The following MMS22L variants were observed in gnomAD, a reference collection of about 807,000 sequenced individuals.
MMS22L encodes the protein MMS22 like, DNA repair protein.
In MMS22L, 74 loss-of-function variants were observed where a neutral mutation model predicts 159.1. The observed-to-expected ratio is 0.47, with a 90% CI of 0.39 to 0.56. The LOEUF is 0.56. MMS22L is among the 20% of genes least tolerant of loss of function. The pLI is 0.00. For missense variants in MMS22L, 1,351 were observed against 1,422.1 expected, an observed-to-expected ratio of 0.95 and a Z score of 0.80; for synonymous variants, 517 against 506.9, an observed-to-expected ratio of 1.02 and a Z score of -0.27.
intron 12 of MMS22L, among the ~76,000 whole-genome samples, chr6:97,233,610 ATC>A (rs1316297610): frequency 6.6e-6 from 1 of 152,190 alleles, no homozygotes; most frequent in African/African-American, 2.4e-5. Context: ...TTTTATAAAT[ATC>A]TGATACATTT....
chr6:97,236,937 C>A (rs578204238), intron 11 of MMS22L, among the ~76,000 whole-genome samples: 1 of 143,230 alleles, frequency 7.0e-6, no homozygotes, highest in South Asian at 2.2e-4. Flanking sequence ...GGTGACAGAG[C>A]GAGACTCCGC....
intron 14 of MMS22L, among the ~76,000 whole-genome samples, chr6:97,226,675 T>C (rs191412525): frequency 1.1e-4 from 16 of 151,958 alleles, no homozygotes; most frequent in African/African-American, 3.6e-4. Context: ...CATATATGTA[T>C]ATATATAAAA....
At chr6:97,273,166 AT>A in intron 4 of MMS22L, 104 bp from the exon 5 acceptor site, 1 of 866,258 alleles carries the variant, frequency 1.2e-6, no homozygotes, top group Non-Finnish European at 1.8e-6. Context: ...ATCTTGTAAC[AT>A]TTTATATTAA....
chr6:97,164,377 T>A (rs1246572868), intron 21 of MMS22L, among the ~76,000 whole-genome samples: 2 of 150,906 alleles, frequency 1.3e-5, no homozygotes, highest in African/African-American at 4.9e-5. Flanking sequence ...CATCTTAAAG[T>A]TTAAAAGCTA....
intron 9 of MMS22L, among the ~76,000 whole-genome samples, chr6:97,255,457 C>T (rs1813697471): frequency 6.6e-6 from 1 of 151,964 alleles, no homozygotes; most frequent in Middle Eastern, 3.2e-3. Flanking sequence ...TCATTTTATC[C>T]TTTTCATTGT....
intron 9 of MMS22L, among the ~76,000 whole-genome samples, chr6:97,256,617 T>C (rs1813837443): frequency 6.6e-6 from 1 of 152,186 alleles, no homozygotes; most frequent in African/African-American, 2.4e-5. Context: ...TGGCCTCCAT[T>C]GTTGTTGAAA....
intron 22 of MMS22L, among the ~76,000 whole-genome samples, chr6:97,161,086 T>A (rs1802387518): frequency 6.6e-6 from 1 of 152,072 alleles, no homozygotes; most frequent in Non-Finnish European, 1.5e-5. Flanking sequence ...TGGCCTGCTT[T>A]TATTCTCAGT....
intron 12 of MMS22L, among the ~76,000 whole-genome samples, chr6:97,232,718 A>G (rs1810997217): frequency 6.6e-6 from 1 of 152,024 alleles, no homozygotes; most frequent in African/African-American, 2.4e-5. Context: ...TCATTTCTCC[A>G]ACTAGCCTAA....
At position 97,178,589 on chromosome 6, in the gene MMS22L, T is replaced by A. The variant is rs1033943019; in HGVS notation, c.2537-4A>T. The A allele has an allele frequency of 1.3e-5, 19 of 1,456,710 alleles. No individual in the cohort carries two copies. Among genetic ancestry groups the A allele is most frequent in the Non-Finnish European group, 1.7e-5 (18 of 1,064,282 alleles). The allele number at this position is 1,456,710 out of a possible 1,614,324, so 90.2% of individuals were successfully genotyped here. A position where few individuals can be genotyped will look rare whatever the true frequency, so the allele number is the denominator to read the frequency against. On this transcript the variant is annotated splice_polypyrimidine_tract_variant and splice_region_variant and intron_variant, in intron 17 of 24. Transcript: ENST00000683635. ...AACTGTTTCATGTACTCTTTTTCTG[T>A]TAAAATAAAATAGTATTTGTTATAT...
chr6:97,281,369 T>G lies in MMS22L; in HGVS notation c.165-7A>C. On this transcript the variant is annotated splice_polypyrimidine_tract_variant and splice_region_variant and intron_variant, in intron 2 of 24. Transcript: ENST00000683635. ...GTCAAGATTCAAAATCAATCTGAAA[T>G]GAAAATTGTTTCAATCTCATAAAAA... is the stretch of plus-strand genomic sequence containing the variant. 1 of 1,587,272 alleles carries G rather than the reference T, an allele frequency of 6.3e-7. No individual in the cohort carries two copies. The highest frequency in any genetic ancestry group is 1.4e-5 in the African/African-American group (1 of 74,068).
In MMS22L at chr6:97,142,583, C is replaced by T. The variant is rs932733349; in HGVS notation, c.*4223G>A. On this transcript the variant is annotated 3_prime_UTR_variant, in exon 25 of 25. Coordinates refer to ENST00000683635, the MANE Select transcript of MMS22L (RefSeq NM_001350599.2). ...TATATAAAAAGTCTGGATAAAAAAG[C>T]AGTGGTTTAGTACAGATGATTCAAC... 3 of 152,000 alleles carry T rather than the reference C, an allele frequency of 2.0e-5. No individual in the cohort carries two copies. Among genetic ancestry groups the T allele is most frequent in the African/African-American group, 7.2e-5 (3 of 41,410 alleles). 9.4% of individuals were successfully genotyped at this position (152,000 alleles called of 1,614,324 possible). A position where few individuals can be genotyped will look rare whatever the true frequency, so the allele number is the denominator to read the frequency against.
At chr6:97,227,793 G>A (rs1047193665) in intron 14 of MMS22L, among the ~76,000 whole-genome samples, 2 of 152,180 alleles carry the variant, frequency 1.3e-5, no homozygotes, top group Non-Finnish European at 2.9e-5. Context: ...ACCATACTGA[G>A]TGGTAGTATT....
At chr6:97,154,963 T>A (rs373666537) in intron 22 of MMS22L, among the ~76,000 whole-genome samples, 3 of 152,204 alleles carry the variant, frequency 2.0e-5, no homozygotes, top group African/African-American at 7.2e-5. Flanking sequence ...CCATATAAAT[T>A]AGTAATTCAT....
intron 14 of MMS22L, among the ~76,000 whole-genome samples, chr6:97,194,272 G>A (rs1056049115): frequency 1.3e-5 from 2 of 151,532 alleles, no homozygotes; most frequent in Non-Finnish European, 2.9e-5. Context: ...TGGCCACGAT[G>A]GTCTTGATAT....
chr6:97,153,720 T>C (rs1415259215), intron 22 of MMS22L, among the ~76,000 whole-genome samples: 1 of 152,184 alleles, frequency 6.6e-6, no homozygotes, highest in Non-Finnish European at 1.5e-5. Context: ...AATGAAATAA[T>C]ATGTGACTTT....
At position 97,254,632 on chromosome 6, in the gene MMS22L, T is replaced by G; in HGVS notation, c.1044A>C (p.Leu348Phe). ...GAGTAATAATCCACCAACTAAAACCTAATGGATCCCTGGACTGGATTACAG... is the reference window on the plus strand; with the variant it reads ...GAGTAATAATCCACCAACTAAAACCGAATGGATCCCTGGACTGGATTACAG... ...SMPVIQSRDP[L>F]GFSWWIITHV... Residue 348 changes from leucine to phenylalanine, a missense_variant, in exon 10 of 25, where the codon TTA becomes TTC. Physicochemically the swap from Leu to Phe is conservative, Grantham distance 22. Coordinates refer to ENST00000683635, the MANE Select transcript of MMS22L (RefSeq NM_001350599.2). 1 of 1,613,694 alleles carries G rather than the reference T, an allele frequency of 6.2e-7. No homozygotes were observed. The highest frequency in any genetic ancestry group is 8.5e-7 in the Non-Finnish European group (1 of 1,179,770).
intron 8 of MMS22L, 56 bp downstream of exon 8, chr6:97,267,816 A>G: frequency 7.0e-7 from 1 of 1,431,574 alleles, no homozygotes; most frequent in South Asian, 1.7e-5. Flanking sequence ...AACGACATGC[A>G]TTAAGGACTG....
At chr6:97,268,556 A>G (rs902941947) in intron 7 of MMS22L, among the ~76,000 whole-genome samples, 1 of 152,086 alleles carries the variant, frequency 6.6e-6, no homozygotes, top group Non-Finnish European at 1.5e-5. Flanking sequence ...TATCTTTAAG[A>G]AGCATTAATG....
chr6:97,188,610 G>A (rs1178789845), intron 14 of MMS22L, among the ~76,000 whole-genome samples: 1 of 152,138 alleles, frequency 6.6e-6, no homozygotes, highest in East Asian at 1.9e-4. Context: ...TACACACTAA[G>A]ACATGCACCC....
Sources: gnomAD v4.1 joint callset for allele counts (sites outside exome capture counted in the v4.1 genomes callset) on GRCh38, gnomAD v4.1.1 for gene constraint, MANE v1.5 for transcripts, NCBI Gene and HGNC (gene_info 2026-07-23, HGNC 2026-07-21) for gene names.